VWA3B: variants seen among roughly 807,000 people sequenced by gnomAD.
VWA3B encodes the protein von Willebrand factor A domain-containing protein 3B.
A neutral mutation model predicts 158.3 loss-of-function variants in VWA3B; 138 were observed. That is an observed-to-expected ratio of 0.87 (90% CI 0.76 to 1.00). VWA3B has a LOEUF of 1.00. Among genes scored for constraint, VWA3B ranks in the 50% least tolerant of loss-of-function variants. The pLI, the probability that VWA3B is intolerant of heterozygous loss-of-function variation, is 0.00. For synonymous variants in VWA3B, 596 were observed against 587.3 expected (o/e 1.01, Z -0.21); for missense variants, 1,555 against 1,565.1 (o/e 0.99, Z 0.11).
At position 98,216,987 on chromosome 2, in the gene VWA3B, C is replaced by CCCCG. The variant is rs1553417758; in HGVS notation, c.1837-857_1837-854dup. 2.0e-5 allele frequency: 26 copies of CCCCG among 1,275,366 alleles called. No individual in the cohort carries two copies. The East Asian group carries it at 7.8e-4, about 38-fold the overall frequency. The allele number at this position is 1,275,366 out of a possible 1,614,324, so 79.0% of individuals were successfully genotyped here. On this transcript the variant is annotated intron_variant, in intron 13 of 27. Coordinates refer to ENST00000477737, the MANE Select transcript of VWA3B (RefSeq NM_144992.5). Reference sequence around the variant, plus strand: ...TCATGTGTATCATTGTAAGCACCCGCCCCGCACCCAGTCTCAGGTGGTCCC... The same window carrying CCCCG: ...TCATGTGTATCATTGTAAGCACCCGCCCCGCCCGCACCCAGTCTCAGGTGGTCCC...
intron 1 of VWA3B, among the ~76,000 whole-genome samples, chr2:98,091,630 G>A (rs1413830742): frequency 6.6e-6 from 1 of 152,178 alleles, no homozygotes; most frequent in Non-Finnish European, 1.5e-5. Context: ...ATAACATGAT[G>A]TTAAATAAGT....
chr2:98,139,061 C>T (rs180806939), intron 7 of VWA3B, among the ~76,000 whole-genome samples: 6 of 152,300 alleles, frequency 3.9e-5, no homozygotes, highest in African/African-American at 9.6e-5. Context: ...GCTGGAGTTC[C>T]GGGTGGCTGT....
At chr2:98,254,421 G>C (rs1686984151) in intron 20 of VWA3B, among the ~76,000 whole-genome samples, 1 of 152,128 alleles carries the variant, frequency 6.6e-6, no homozygotes, top group Non-Finnish European at 1.5e-5. Context: ...TTTCAGAGAA[G>C]CACAAAGATA....
At chr2:98,262,833 A>AT (rs1480156499) in intron 21 of VWA3B, among the ~76,000 whole-genome samples, 1 of 151,852 alleles carries the variant, frequency 6.6e-6, no homozygotes, top group Non-Finnish European at 1.5e-5. Context: ...TACCATTGGG[A>AT]TTTTGATAGG....
At chr2:98,243,730 G>A (rs1281220526) in intron 19 of VWA3B, among the ~76,000 whole-genome samples, 1 of 152,164 alleles carries the variant, frequency 6.6e-6, no homozygotes, top group Non-Finnish European at 1.5e-5. Flanking sequence ...GTTCTATGGA[G>A]CCTGCAGGTG....
At chr2:98,330,086 G>T in the VWA3B span, among the ~76,000 whole-genome samples, 131 of 152,214 alleles carry the variant, frequency 8.6e-4, no homozygotes, top group Non-Finnish European at 1.6e-3. Flanking sequence ...TGGGACTGCT[G>T]CTCTCACGTG....
At chr2:98,279,361 C>T (rs945598460) in intron 22 of VWA3B, among the ~76,000 whole-genome samples, 3 of 152,186 alleles carry the variant, frequency 2.0e-5, no homozygotes, top group Non-Finnish European at 2.9e-5. Flanking sequence ...AAGGCACCCT[C>T]CTCGCTGGAG....
At chr2:98,301,295 A>G (rs1425256213) in intron 25 of VWA3B, among the ~76,000 whole-genome samples, 1 of 152,226 alleles carries the variant, frequency 6.6e-6, no homozygotes, top group Admixed American at 6.5e-5. Context: ...CTCAAAAAAA[A>G]ACAAAAAAAC....
At chr2:98,328,498 G>A in the VWA3B span, among the ~76,000 whole-genome samples, 1 of 152,164 alleles carries the variant, frequency 6.6e-6, no homozygotes. Flanking sequence ...CTTTAGCAAA[G>A]TTGCAGGATA....
Position 98,129,086 on chromosome 2 carries a change from G to A in VWA3B, c.872+678G>A, listed in dbSNP as rs1675610657. Reference sequence around the variant, plus strand: ...GTATTTATTTCTTACAGTTCTAGAGGCTGGGAAGTACTAGGTGAAGGAGAA... The same window carrying A: ...GTATTTATTTCTTACAGTTCTAGAGACTGGGAAGTACTAGGTGAAGGAGAA... On this transcript the variant is annotated intron_variant, in intron 6 of 27. Transcript: ENST00000477737. 4.1e-5 allele frequency among the ~76,000 whole-genome samples: 5 copies of A among 122,724 alleles called. No individual in the cohort carries two copies. In the South Asian group the frequency reaches 1.1e-3, roughly 27 times the overall value. 80.5% of individuals were successfully genotyped at this position (122,724 alleles called of 152,430 possible).
chr2:98,184,439 T>C (rs1469095222), intron 9 of VWA3B, among the ~76,000 whole-genome samples: 3 of 152,240 alleles, frequency 2.0e-5, no homozygotes, highest in African/African-American at 7.2e-5. Flanking sequence ...ACAGCCACAA[T>C]GCAATGCCTG....
chr2:98,289,434 G>A (rs548339942), intron 22 of VWA3B, among the ~76,000 whole-genome samples: 39 of 152,190 alleles, frequency 2.6e-4, no homozygotes, highest in African/African-American at 8.2e-4. Flanking sequence ...TTGATAGTTC[G>A]CCTGGGTTTA....
In VWA3B at chr2:98,286,452, T is replaced by A. The variant is rs573569338; in HGVS notation, c.3046-4059T>A. ...AGAATGTTTTCTTCTATTCCTGGTT[T>A]GTTGAGTTTTTATCATAAAAGGGTG... On this transcript the variant is annotated intron_variant, in intron 22 of 27. Coordinates refer to ENST00000477737, the MANE Select transcript of VWA3B (RefSeq NM_144992.5). 5.3e-5 allele frequency among the ~76,000 whole-genome samples: 8 copies of A among 152,284 alleles called. No individual in the cohort carries two copies. The South Asian group carries it at 1.7e-3, about 32-fold the overall frequency.
In VWA3B at chr2:98,222,326, A is replaced by G. The variant is rs576148744; in HGVS notation, c.2019+4298A>G. On this transcript the variant is annotated intron_variant, in intron 14 of 27. Transcript: ENST00000477737. The stretch of plus-strand genomic sequence containing the variant: ...GGGAGAGCTCACCAGATACATAGTT[A>G]TGCCCAAGTGAAAGTGAAATTGATC... 1.0e-3 allele frequency among the ~76,000 whole-genome samples: 156 copies of G among 152,324 alleles called. 2 individuals are homozygous for G. The highest frequency in any genetic ancestry group is 0.01 in the Middle Eastern group (3 of 294).
At chr2:98,244,582 A>G (rs1278519942) in intron 19 of VWA3B, among the ~76,000 whole-genome samples, 5 of 152,180 alleles carry the variant, frequency 3.3e-5, no homozygotes, top group African/African-American at 1.2e-4. Context: ...ACTTAAAAAA[A>G]GTTTTGAATC....
intron 7 of VWA3B, among the ~76,000 whole-genome samples, chr2:98,160,744 G>A (rs993105443): frequency 7.2e-5 from 11 of 152,332 alleles, no homozygotes; most frequent in African/African-American, 2.6e-4. Flanking sequence ...GTTCGCATTT[G>A]GCAGCAGCCT....
intron 26 of VWA3B, among the ~76,000 whole-genome samples, chr2:98,306,541 A>G (rs1033260323): frequency 1.4e-4 from 22 of 151,882 alleles, no homozygotes; most frequent in Admixed American, 1.3e-4. Context: ...ATAGCAGGAC[A>G]TTTTCTGCTC....
At position 98,115,676 on chromosome 2, in the gene VWA3B, C is replaced by G. The variant is rs761704909; in HGVS notation, c.221C>G (p.Pro74Arg). Residue 74 changes from proline (P) to arginine (R), a missense_variant, in exon 3 of 28, where the codon CCT (proline) becomes CGT (arginine). Coordinates refer to ENST00000477737, the MANE Select transcript of VWA3B (RefSeq NM_144992.5). ...GATTATGTGGCGTCTCTGGGGAGAC[C>G]TGTGGCTTCTCGGTATGCTGATGGT... ...CEDYVASLGR[P>R]VASRYADGLF... The G allele has an allele frequency of 6.2e-7, 1 of 1,613,756 alleles. No homozygotes were observed. Among genetic ancestry groups the G allele is most frequent in the South Asian group, 1.1e-5 (1 of 91,074 alleles).
intron 9 of VWA3B, among the ~76,000 whole-genome samples, chr2:98,186,367 A>C (rs778149361): frequency 1.7e-4 from 26 of 151,716 alleles, no homozygotes; most frequent in Non-Finnish European, 3.8e-4. Context: ...TCCCCTGTGC[A>C]TGCCGGCCGG....
Sources: allele counts gnomAD v4.1 joint callset (sites outside exome capture counted in the v4.1 genomes callset), GRCh38; gene constraint gnomAD v4.1.1; transcripts MANE v1.5; gene names NCBI Gene and HGNC (gene_info 2026-07-23, HGNC 2026-07-21).